HERC5: variants seen among roughly 807,000 people sequenced by gnomAD.
HERC5 encodes HECT and RLD domain containing E3 ubiquitin protein ligase 5.
HERC5 carries 99 observed loss-of-function variants against 119.6 expected under a neutral mutation model. The ratio of observed to expected loss-of-function variants is 0.83; its 90% CI spans 0.70 to 0.98. The LOEUF (loss-of-function observed/expected upper bound fraction) is 0.98, where lower values mean the gene tolerates loss of function less well. HERC5 is among the 50% of genes least tolerant of loss of function. The pLI, the probability that HERC5 is intolerant of heterozygous loss-of-function variation, is 0.00. For synonymous variants in HERC5, 478 were observed against 445.9 expected, an observed-to-expected ratio of 1.07 and a Z score of -0.91; for missense variants, 1,267 against 1,241.3, an observed-to-expected ratio of 1.02 and a Z score of -0.31.
rs1740544804 is a variant in HERC5 at position 88,463,915 on chromosome 4, C to G, written c.841C>G (p.Gln281Glu). 2 of 1,613,656 alleles carry G rather than the reference C, an allele frequency of 1.2e-6. No homozygotes were observed. The highest frequency in any genetic ancestry group is 1.7e-5 in the Admixed American group (1 of 59,966). Residue 281 changes from glutamine (Q) to glutamate (E), a missense_variant, in exon 6 of 23, where the codon CAG becomes GAG. Physicochemically the swap from Gln to Glu is conservative, Grantham distance 29. This residue lies in a region of HERC5 where 777 missense variants were observed against 758.0 expected (regional missense o/e 1.03). Coordinates refer to ENST00000264350, the MANE Select transcript of HERC5 (RefSeq NM_016323.4). Reference sequence around the variant, plus strand: ...TGGGCAACTTGGTCATAATTCAACACAGAATGAGCTAAGACCCTGTTTGGT... The same window carrying G: ...TGGGCAACTTGGTCATAATTCAACAGAGAATGAGCTAAGACCCTGTTTGGT... ...KHGQLGHNST[Q>E]NELRPCLVAE...
chr4:88,491,275 G>T (rs1741630862), intron 16 of HERC5, among the ~76,000 whole-genome samples: 1 of 152,198 alleles, frequency 6.6e-6, no homozygotes, highest in African/African-American at 2.4e-5. Context: ...GGGGATGCTA[G>T]TATAACATCT....
chr4:88,457,575 G>A (rs1740205546), intron 1 of HERC5, 41 bp downstream of exon 1: 1 of 1,242,864 alleles, frequency 8.0e-7, no homozygotes, highest in Non-Finnish European at 1.0e-6. Context: ...GGGCTGTGAG[G>A]GGTGAGGGCT....
rs536644193 is a variant in HERC5 at position 88,491,150 on chromosome 4, G to A, written c.2133+1814G>A. On this transcript the variant is annotated intron_variant, in intron 16 of 22. Transcript: ENST00000264350. The stretch of plus-strand genomic sequence containing the variant: ...GGGCAGCTTGTCCTTAGTAAGAAGA[G>A]GGGGAAGGGTTTGACACCTGGTCTT... Among the ~76,000 whole-genome samples the A allele has an allele frequency of 1.2e-4, 19 of 152,272 alleles. No individual in the cohort carries two copies. The East Asian group carries it at 3.1e-3, about 25-fold the overall frequency.
intron 10 of HERC5, 75 bp downstream of exon 10, chr4:88,470,748 G>A: frequency 1.5e-6 from 1 of 665,610 alleles, no homozygotes; most frequent in Non-Finnish European, 2.5e-6. Flanking sequence ...AATGATTGGA[G>A]AGTAAAATAG....
intron 16 of HERC5, among the ~76,000 whole-genome samples, chr4:88,492,517 G>T (rs1393829724): frequency 2.0e-5 from 3 of 151,674 alleles, no homozygotes; most frequent in Admixed American, 1.3e-4. Flanking sequence ...GCTGAGGTGG[G>T]TGGATCACTT....
chr4:88,489,344 G>A lies in HERC5; in HGVS notation c.2133+8G>A, dbSNP rs1278738341. The A allele has an allele frequency of 6.3e-7, 1 of 1,592,230 alleles. No homozygotes were observed. The highest frequency in any genetic ancestry group is 1.2e-5 in the South Asian group (1 of 86,726). On this transcript the variant is annotated splice_region_variant and intron_variant, in intron 16 of 22. Coordinates refer to ENST00000264350, the MANE Select transcript of HERC5 (RefSeq NM_016323.4). ...CTGAGGAAAGAGTTATGGGTAAGGT[G>A]TAATTCTCACTTAATGTTTTTGCTG...
At chr4:88,458,491 G>A (rs1305048984) in intron 1 of HERC5, among the ~76,000 whole-genome samples, 2 of 151,940 alleles carry the variant, frequency 1.3e-5, no homozygotes, top group Non-Finnish European at 2.9e-5. Flanking sequence ...CAAAGGCTTA[G>A]CCTATGTCCC....
intron 20 of HERC5, among the ~76,000 whole-genome samples, chr4:88,502,117 C>G (rs541654195): frequency 6.6e-6 from 1 of 151,700 alleles, no homozygotes; most frequent in Admixed American, 6.6e-5. Context: ...TATTTTTGAC[C>G]GACATAGTGT....
chr4:88,499,745 T>G (rs929196453), intron 18 of HERC5, among the ~76,000 whole-genome samples, 181 bp from the exon 19 acceptor site: 10 of 152,220 alleles, frequency 6.6e-5, no homozygotes, highest in Non-Finnish European at 1.2e-4. Context: ...GCTTCTTAAA[T>G]TTGACATGTT....
intron 9 of HERC5, 77 bp from the exon 10 acceptor site, chr4:88,470,537 C>A: frequency 1.3e-6 from 1 of 753,454 alleles, no homozygotes; most frequent in South Asian, 1.6e-5. Flanking sequence ...TTTATCATGT[C>A]TCATGCTGTA....
chr4:88,458,031 G>A (rs1387559777), intron 1 of HERC5: 1 of 986,384 alleles, frequency 1.0e-6, no homozygotes, highest in Admixed American at 6.1e-5. Context: ...TTGCCCATCT[G>A]TGGAGTGAAG....
chr4:88,497,011 C>T (rs1003572222), intron 18 of HERC5, among the ~76,000 whole-genome samples: 12 of 152,170 alleles, frequency 7.9e-5, no homozygotes, highest in African/African-American at 2.7e-4. Flanking sequence ...AGGAATGGGT[C>T]GTCACCTATT....
In HERC5 at chr4:88,469,182, C is replaced by A. The variant is rs140526163; in HGVS notation, c.1160C>A (p.Thr387Lys). Residue 387 changes from threonine to lysine, a missense_variant, in exon 9 of 23, where the codon ACA (threonine) becomes AAA (lysine). Thr to Lys is a moderately conservative substitution (Grantham distance 78). Transcript: ENST00000264350. ...AATTCATATGTTAATCTGAAGAGGA[C>A]AATTCCTACTCTGAATGAAGGGACT... is the stretch of plus-strand genomic sequence containing the variant. Reference protein sequence around the residue: ...KENSYVNLKRTIPTLNEGTVK... With the variant: ...KENSYVNLKRKIPTLNEGTVK... 6.8e-5 allele frequency: 110 copies of A among 1,610,700 alleles called. No homozygotes were observed. The highest frequency in any genetic ancestry group is 8.9e-5 in the Non-Finnish European group (105 of 1,177,218).
At chr4:88,458,479 T>C (rs1374697404) in intron 1 of HERC5, among the ~76,000 whole-genome samples, 1 of 152,160 alleles carries the variant, frequency 6.6e-6, no homozygotes, top group East Asian at 1.9e-4. Context: ...TATTTGCTTT[T>C]CCAAAGGCTT....
At chr4:88,464,361 G>A (rs1483490064) in intron 6 of HERC5, among the ~76,000 whole-genome samples, 6 of 152,020 alleles carry the variant, frequency 3.9e-5, no homozygotes, top group Non-Finnish European at 7.4e-5. Context: ...CTCTGACAAT[G>A]CCTTGTGGCC....
chr4:88,484,947 A>G (rs570541144), intron 13 of HERC5, among the ~76,000 whole-genome samples: 83 of 152,262 alleles, frequency 5.5e-4, no homozygotes, highest in African/African-American at 1.8e-3. Context: ...AGGTGTTTTC[A>G]GTGGATCAGG....
chr4:88,492,926 T>A, intron 16 of HERC5, 86 bp from the exon 17 acceptor site: 2 of 1,304,422 alleles, frequency 1.5e-6, no homozygotes, highest in African/African-American at 2.9e-5. Flanking sequence ...ACAATTAATG[T>A]TAGCTATTTA....
intron 6 of HERC5, among the ~76,000 whole-genome samples, chr4:88,466,431 G>A (rs762552479): frequency 2.0e-5 from 3 of 152,102 alleles, no homozygotes; most frequent in Admixed American, 6.5e-5. Flanking sequence ...ATCATTGCCC[G>A]GATAGTTAAA....
chr4:88,501,901 C>T (rs1346550633), intron 20 of HERC5, among the ~76,000 whole-genome samples: 10 of 152,096 alleles, frequency 6.6e-5, no homozygotes, highest in Non-Finnish European at 1.3e-4. Context: ...CGGGTTCAAG[C>T]GATTCTCCTG....
Sources: gnomAD v4.1 joint callset for allele counts (sites outside exome capture counted in the v4.1 genomes callset) on GRCh38, gnomAD v4.1.1 for gene constraint, gnomAD v4.1.1 regional missense constraint, MANE v1.5 for transcripts, NCBI Gene and HGNC (gene_info 2026-07-23, HGNC 2026-07-21) for gene names.